Variants in TAOK1 observed in about 807,000 individuals in gnomAD.
TAOK1 encodes the protein serine/threonine-protein kinase TAO1.
In TAOK1, 21 loss-of-function variants were observed where a neutral mutation model predicts 138.3. That is an observed-to-expected ratio of 0.15 (90% CI 0.11 to 0.22). TAOK1 has a LOEUF of 0.22. Among genes scored for constraint, TAOK1 ranks in the 10% least tolerant of loss-of-function variants. The pLI is 1.00. For missense variants in TAOK1, 651 were observed against 1,227.7 expected (o/e 0.53, Z 7.02); for synonymous variants, 361 against 398.4 (o/e 0.91, Z 1.12).
intron 9 of TAOK1, 53 bp downstream of exon 9, chr17:29,489,810 T>C: frequency 1.5e-6 from 2 of 1,302,558 alleles, no homozygotes; most frequent in East Asian, 5.0e-5. Flanking sequence ...GAAATGCTTT[T>C]TCATAATCTG....
intron 1 of TAOK1, among the ~76,000 whole-genome samples, chr17:29,403,154 T>A (rs11867219): frequency 1.5e-5 from 2 of 133,216 alleles, no homozygotes; most frequent in East Asian, 2.2e-4. Flanking sequence ...GGGCAAGATT[T>A]TGTCTCAAAA....
intron 13 of TAOK1, 112 bp downstream of exon 13, chr17:29,502,835 A>G (rs2031554634): frequency 1.6e-6 from 2 of 1,222,780 alleles, no homozygotes; most frequent in African/African-American, 1.5e-5. Context: ...TTTACGAAAT[A>G]CTCATTTAAT....
rs1424484820 is a variant in TAOK1, at chr17:29,547,775, A to G, written c.*4753A>G. 1 of 152,062 alleles carries G rather than the reference A, an allele frequency of 6.6e-6. No individual in the cohort carries two copies. The highest frequency in any genetic ancestry group is 1.5e-5 in the Non-Finnish European group (1 of 67,976). The allele number at this position is 152,062 out of a possible 1,614,324, so 9.4% of individuals were successfully genotyped here. A position where few individuals can be genotyped will look rare whatever the true frequency, so the allele number is the denominator to read the frequency against. ...ATAGTGCCCCCAACCAGGTTGTAGCATTGCCTTTTAAAAGAGACTCACTCA... is the reference window on the plus strand; with the variant it reads ...ATAGTGCCCCCAACCAGGTTGTAGCGTTGCCTTTTAAAAGAGACTCACTCA... On this transcript the variant is annotated 3_prime_UTR_variant, in exon 20 of 20. Transcript: ENST00000261716.
intron 3 of TAOK1, among the ~76,000 whole-genome samples, chr17:29,470,341 C>G (rs954529141): frequency 1.3e-5 from 2 of 152,120 alleles, no homozygotes; most frequent in African/African-American, 4.8e-5. Flanking sequence ...GATTTTTGTA[C>G]TGCTTGGTTT....
At chr17:29,420,113 C>T (rs1223431052) in intron 1 of TAOK1, among the ~76,000 whole-genome samples, 2 of 151,570 alleles carry the variant, frequency 1.3e-5, no homozygotes, top group Non-Finnish European at 2.9e-5. Flanking sequence ...GGTGTGACCT[C>T]AGCTTACTGC....
In TAOK1 at chr17:29,536,700, C is replaced by CT. The variant is rs547178969; in HGVS notation, c.2544+2417dup. ...ATTTCCTAAATCCATGTCATTCAAA[C>CT]TTTTTTTTTTTTTTTTTGAGACGGA... On this transcript the variant is annotated intron_variant, in intron 19 of 19. Transcript: ENST00000261716. Among the ~76,000 whole-genome samples the CT allele has an allele frequency of 1.5e-3, 194 of 128,566 alleles. 2 individuals carry two copies. The highest frequency in any genetic ancestry group is 2.8e-3 in the Admixed American group (34 of 12,208). The allele number at this position is 128,566 out of a possible 152,430, so 84.3% of individuals were successfully genotyped here. A position where few individuals can be genotyped will look rare whatever the true frequency, so the allele number is the denominator to read the frequency against.
chr17:29,464,463 A>G (rs905636403), intron 2 of TAOK1, among the ~76,000 whole-genome samples: 42 of 152,020 alleles, frequency 2.8e-4, no homozygotes, highest in Middle Eastern at 3.4e-3. Flanking sequence ...AAAAAAGAAA[A>G]AAAAAATGTT....
chr17:29,396,934 G>A (rs1162880135), intron 1 of TAOK1, among the ~76,000 whole-genome samples: 1 of 141,252 alleles, frequency 7.1e-6, no homozygotes, highest in Non-Finnish European at 1.5e-5. Flanking sequence ...AGTGGTTGCA[G>A]TGAGCTGAGA....
intron 2 of TAOK1, among the ~76,000 whole-genome samples, chr17:29,452,949 T>G (rs899588155): frequency 4.6e-5 from 7 of 152,154 alleles, no homozygotes; most frequent in African/African-American, 1.7e-4. Context: ...AACATTGATG[T>G]GTATCTGGTT....
intron 13 of TAOK1, among the ~76,000 whole-genome samples, chr17:29,503,395 C>CAAA (rs5819870): frequency 4.1e-4 from 35 of 84,956 alleles, no homozygotes; most frequent in African/African-American, 1.4e-3. Flanking sequence ...GACTCTGTCT[C>CAAA]AAAAAAAAAA....
chr17:29,516,048 G>A (rs924518419), intron 15 of TAOK1, among the ~76,000 whole-genome samples: 5 of 150,850 alleles, frequency 3.3e-5, no homozygotes, highest in Non-Finnish European at 7.4e-5. Context: ...TGCAACCTCC[G>A]CCTCCCAGGT....
intron 1 of TAOK1, among the ~76,000 whole-genome samples, chr17:29,432,913 C>T (rs1016474318): frequency 6.6e-6 from 1 of 152,104 alleles, no homozygotes; most frequent in African/African-American, 2.4e-5. Flanking sequence ...GTGTTTGCCA[C>T]CACACCTGGC....
Position 29,502,743 on chromosome 17 carries a change from A to G in TAOK1, c.1338+20A>G. 6.2e-7 allele frequency: 1 copy of G among 1,601,650 alleles called. No individual in the cohort carries two copies. The highest frequency in any genetic ancestry group is 8.5e-7 in the Non-Finnish European group (1 of 1,174,836). ...TCACTGGTATGTACTTACCCGAATT[A>G]GAGATAAATATATTTTTCATGTGGG... On this transcript the variant is annotated intron_variant, in intron 13 of 19. Coordinates refer to ENST00000261716, the MANE Select transcript of TAOK1 (RefSeq NM_020791.4).
intron 1 of TAOK1, among the ~76,000 whole-genome samples, chr17:29,406,353 T>C (rs1300591631): frequency 6.6e-6 from 1 of 151,784 alleles, no homozygotes; most frequent in African/African-American, 2.4e-5. Context: ...AGATTTTATA[T>C]GGGTCTTGAA....
At chr17:29,397,610 A>AAAAT (rs1904658328) in intron 1 of TAOK1, among the ~76,000 whole-genome samples, 1 of 43,798 alleles carries the variant, frequency 2.3e-5, no homozygotes, top group African/African-American at 1.9e-4. Flanking sequence ...CCCCCCCCAA[A>AAAAT]AAAATATATA....
chr17:29,490,610 A>G (rs956921950), intron 9 of TAOK1, among the ~76,000 whole-genome samples: 18 of 152,224 alleles, frequency 1.2e-4, no homozygotes, highest in Admixed American at 1.0e-3. Context: ...GATTCTTTCT[A>G]TATAACTCTA....
At chr17:29,536,899 A>G (rs1339967443) in intron 19 of TAOK1, among the ~76,000 whole-genome samples, 1 of 151,830 alleles carries the variant, frequency 6.6e-6, no homozygotes, top group African/African-American at 2.4e-5. Flanking sequence ...ACAGGGTTTC[A>G]CCGTGTTAGC....
intron 1 of TAOK1, among the ~76,000 whole-genome samples, chr17:29,434,709 C>T (rs1905970947): frequency 6.6e-6 from 1 of 152,150 alleles, no homozygotes; most frequent in Non-Finnish European, 1.5e-5. Context: ...TGGCCTTTAT[C>T]CATGAAACAG....
At chr17:29,523,618 C>G (rs556845969) in intron 17 of TAOK1, among the ~76,000 whole-genome samples, 2 of 152,238 alleles carry the variant, frequency 1.3e-5, no homozygotes, top group South Asian at 4.1e-4. Flanking sequence ...AATCTCCTGA[C>G]CTCGTGATCC....
Sources: allele counts gnomAD v4.1 joint callset (sites outside exome capture counted in the v4.1 genomes callset), GRCh38; gene constraint gnomAD v4.1.1; transcripts MANE v1.5; gene names NCBI Gene and HGNC (gene_info 2026-07-23, HGNC 2026-07-21).